CLCA1: variants seen among roughly 807,000 people sequenced by gnomAD.
CLCA1 encodes calcium-activated chloride channel regulator 1.
In CLCA1, 59 loss-of-function variants were observed where a neutral mutation model predicts 85.6. The observed-to-expected ratio is 0.69, with a 90% CI of 0.56 to 0.86. The LOEUF is 0.86. Among genes scored for constraint, CLCA1 ranks in the 40% least tolerant of loss-of-function variants. CLCA1 has a pLI of 0.00. For synonymous variants in CLCA1, 396 were observed against 398.3 expected, an observed-to-expected ratio of 0.99 and a Z score of 0.07; for missense variants, 1,022 against 1,101.4, an observed-to-expected ratio of 0.93 and a Z score of 1.02.
At chr1:86,497,345 T>C (rs921256529) in intron 12 of CLCA1, among the ~76,000 whole-genome samples, 5 of 152,204 alleles carry the variant, frequency 3.3e-5, no homozygotes, top group Admixed American at 6.5e-5. Context: ...ACCAGATTAA[T>C]GGGTATGAAG....
At chr1:86,491,660 A>G (rs1057346026) in intron 9 of CLCA1, among the ~76,000 whole-genome samples, 1 of 152,236 alleles carries the variant, frequency 6.6e-6, no homozygotes, top group Admixed American at 6.5e-5. Flanking sequence ...CTGAACAAGC[A>G]ACTAGAGCAA....
At chr1:86,484,209 C>T (rs1051965367) in intron 5 of CLCA1, among the ~76,000 whole-genome samples, 3 of 152,036 alleles carry the variant, frequency 2.0e-5, no homozygotes, top group African/African-American at 7.2e-5. Context: ...AAGTGCACTG[C>T]AATGTTAAAG....
rs1339102611 is a variant in CLCA1 at position 86,486,660 on chromosome 1, C to T, written c.1089C>T (p.Asn363=). The change falls in exon 7 of 14, where the codon AAC becomes AAT. Residue 363 remains asparagine (N), a synonymous_variant. Transcript: ENST00000394711. ...TACAAAATGAACTCATACAGATAAA[C>T]AGTGGCAGTGACAGGGACACACTCG... The part of the protein sequence containing the change: ...AHVQNELIQI[N]SGSDRDTLAK... The T allele has an allele frequency of 2.5e-6, 4 of 1,614,180 alleles. No individual in the cohort carries two copies. In the South Asian group the frequency reaches 4.4e-5, roughly 18 times the overall value.
intron 3 of CLCA1, among the ~76,000 whole-genome samples, chr1:86,474,716 T>C (rs1355986204): frequency 1.3e-5 from 2 of 152,134 alleles, no homozygotes; most frequent in Non-Finnish European, 2.9e-5. Flanking sequence ...CAAAAACATG[T>C]AACTAAAGAA....
chr1:86,490,899 T>TAAAAAAAAAAAA (rs59948810), intron 8 of CLCA1, among the ~76,000 whole-genome samples: 1 of 89,710 alleles, frequency 1.1e-5, no homozygotes, highest in Non-Finnish European at 2.3e-5. Context: ...AACCCATCTC[T>TAAAAAAAAAAAA]AAAAAAAAAA....
chr1:86,486,929 A>G lies in CLCA1; in HGVS notation c.1182+176A>G, dbSNP rs569872701. ...CCACATGAAACAGAATAGGAGGTTG[A>G]AAGGGGCTGGCAGGCATAAGGTCTC... On this transcript the variant is annotated intron_variant, in intron 7 of 13. Transcript: ENST00000394711. Among the ~76,000 whole-genome samples the G allele has an allele frequency of 1.7e-3, 260 of 152,314 alleles. 1 individual carries two copies. Among genetic ancestry groups the G allele is most frequent in the African/African-American group, 6.0e-3 (249 of 41,570 alleles).
chr1:86,475,452 C>T (rs5744330), intron 3 of CLCA1, among the ~76,000 whole-genome samples: 2,485 of 152,264 alleles, frequency 0.016, 73 homozygotes, highest in African/African-American at 0.056. Context: ...ACACTATGTG[C>T]CCAGATATGA....
intron 7 of CLCA1, among the ~76,000 whole-genome samples, chr1:86,487,907 G>A (rs1047597834): frequency 6.6e-6 from 1 of 152,228 alleles, no homozygotes; most frequent in African/African-American, 2.4e-5. Flanking sequence ...AGTGCGACAA[G>A]AAAATCCAAA....
Position 86,469,129 on chromosome 1 carries a change from T to C in CLCA1, c.158T>C (p.Ile53Thr), listed in dbSNP as rs772480629. The change falls in exon 1 of 14, where the codon ATA (isoleucine) becomes ACA (threonine). Residue 53 changes from isoleucine (I) to threonine (T), a missense_variant. Ile to Thr is a moderately conservative substitution (Grantham distance 89, BLOSUM62 -1). Coordinates refer to ENST00000394711, the MANE Select transcript of CLCA1 (RefSeq NM_001285.4). The part of the protein sequence containing the change: ...VPEDETLIQQ[I>T]KDMVTQASLY... Reference sequence around the variant, plus strand: ...GAAGATGAAACACTCATTCAACAAATAAAGGTAAGTTCATAGTAATTATCC... The same window carrying C: ...GAAGATGAAACACTCATTCAACAAACAAAGGTAAGTTCATAGTAATTATCC... The C allele has an allele frequency of 1.2e-6, 2 of 1,601,768 alleles. No homozygotes were observed. Among genetic ancestry groups the C allele is most frequent in the Non-Finnish European group, 8.5e-7 (1 of 1,172,604 alleles).
In CLCA1 at chr1:86,498,597, A is replaced by C. The variant is rs771725612; in HGVS notation, c.2139A>C (p.Arg713Ser). The C allele has an allele frequency of 8.7e-6, 14 of 1,613,610 alleles. No individual in the cohort carries two copies. Among genetic ancestry groups the C allele is most frequent in the Non-Finnish European group, 1.2e-5 (14 of 1,179,776 alleles). ...ENDEIQWNPP[R>S]PEINKDDVQH... Reference sequence around the variant, plus strand: ...ATGAAATACAATGGAATCCACCAAGACCTGAAATTAATAAGGATGATGTTC... The same window carrying C: ...ATGAAATACAATGGAATCCACCAAGCCCTGAAATTAATAAGGATGATGTTC... Residue 713 changes from arginine to serine, a missense_variant, in exon 13 of 14, where the codon AGA becomes AGC. Coordinates refer to ENST00000394711, the MANE Select transcript of CLCA1 (RefSeq NM_001285.4).
Position 86,490,899 on chromosome 1 carries a change from T to TAAA in CLCA1, c.1358-345_1358-343dup, listed in dbSNP as rs59948810. Reference sequence around the variant, plus strand: ...TGAGTAACATGGCAAAACCCATCTCTAAAAAAAAAAAAAAAAAAAAAAATA... The same window carrying TAAA: ...TGAGTAACATGGCAAAACCCATCTCTAAAAAAAAAAAAAAAAAAAAAAAAAATA... On this transcript the variant is annotated intron_variant, in intron 8 of 13. Coordinates refer to ENST00000394711, the MANE Select transcript of CLCA1 (RefSeq NM_001285.4). 1.3e-3 allele frequency among the ~76,000 whole-genome samples: 118 copies of TAAA among 89,680 alleles called. 1 individual carries two copies. The highest frequency in any genetic ancestry group is 1.5e-3 in the South Asian group (4 of 2,630). The allele number at this position is 89,680 out of a possible 152,430, so 58.8% of individuals were successfully genotyped here.
chr1:86,489,260 GGA>G, intron 8 of CLCA1, 90 bp downstream of exon 8: 1 of 1,267,248 alleles, frequency 7.9e-7, no homozygotes, highest in Non-Finnish European at 1.1e-6. Context: ...AAGATGGGAT[GGA>G]GAGAGATAGG....
rs770808069 is a variant in CLCA1, at chr1:86,491,329, C to A, written c.1422C>A (p.Ala474=). 52 of 1,613,346 alleles carry A rather than the reference C, an allele frequency of 3.2e-5. No individual in the cohort carries two copies. Among genetic ancestry groups the A allele is most frequent in the Non-Finnish European group, 4.3e-5 (51 of 1,179,648 alleles). ...ATGGCCTCATTGATGCTTTTGGGGC[C>A]CTTTCATCAGGAAATGGAGCTGTCT... ...QNNGLIDAFG[A]LSSGNGAVSQ... The change falls in exon 9 of 14, where the codon GCC becomes GCA. Residue 474 remains alanine, a synonymous_variant. Coordinates refer to ENST00000394711, the MANE Select transcript of CLCA1 (RefSeq NM_001285.4).
At position 86,499,864 on chromosome 1, in the gene CLCA1, A is replaced by C; in HGVS notation, c.2564A>C (p.Glu855Ala). The C allele has an allele frequency of 6.2e-7, 1 of 1,613,930 alleles. No individual in the cohort carries two copies. Among genetic ancestry groups the C allele is most frequent in the Non-Finnish European group, 8.5e-7 (1 of 1,179,790 alleles). ...QAVDKVDLKS[E>A]ISNIARVSLF... ...GTTGATAAGGTCGATCTGAAATCAG[A>C]AATATCCAACATTGCACGAGTATCT... The change falls in exon 14 of 14, where the codon GAA becomes GCA. Residue 855 changes from glutamate (E) to alanine (A), a missense_variant. Physicochemically the swap from Glu to Ala is moderately radical, Grantham distance 107 (BLOSUM62 -1). Transcript: ENST00000394711.
chr1:86,483,238 GC>G (rs1346292187), intron 5 of CLCA1, among the ~76,000 whole-genome samples: 2 of 152,096 alleles, frequency 1.3e-5, no homozygotes, highest in South Asian at 2.1e-4. Flanking sequence ...TTTTAAATTA[GC>G]CACAGAGTTA....
At position 86,486,673 on chromosome 1, in the gene CLCA1, A is replaced by G. The variant is rs1647985968; in HGVS notation, c.1102A>G (p.Arg368Gly). The G allele has an allele frequency of 1.2e-6, 2 of 1,614,158 alleles. No individual in the cohort carries two copies. Among genetic ancestry groups the G allele is most frequent in the East Asian group, 4.5e-5 (2 of 44,884 alleles). The stretch of plus-strand genomic sequence containing the variant: ...CATACAGATAAACAGTGGCAGTGAC[A>G]GGGACACACTCGCCAAAAGATTACC... ...ELIQINSGSD[R>G]DTLAKRLPAA... The change falls in exon 7 of 14, where the codon AGG becomes GGG. Residue 368 changes from arginine to glycine, a missense_variant. Arg to Gly is a moderately radical substitution (Grantham distance 125). Transcript: ENST00000394711.
At position 86,489,137 on chromosome 1, in the gene CLCA1, G is replaced by C. The variant is rs752724305; in HGVS notation, c.1324G>C (p.Ala442Pro). The change falls in exon 8 of 14, where the codon GCT becomes CCT. Residue 442 changes from alanine (A) to proline (P), a missense_variant. Transcript: ENST00000394711. ...IHTVALGPSA[A>P]QELEELSKMT... is the part of the protein sequence containing the mutation. ...CACAGTCGCTTTGGGGCCCTCTGCA[G>C]CTCAAGAACTAGAGGAGCTGTCCAA... 1 of 1,614,050 alleles carries C rather than the reference G, an allele frequency of 6.2e-7. No homozygotes were observed. The highest frequency in any genetic ancestry group is 2.2e-5 in the East Asian group (1 of 44,870).
intron 6 of CLCA1, 37 bp from the exon 7 acceptor site, chr1:86,486,489 T>G (rs751982726): frequency 1.3e-6 from 2 of 1,593,026 alleles, no homozygotes; most frequent in East Asian, 2.2e-5. Flanking sequence ...TCTTTCCATC[T>G]AAACGTAACC....
chr1:86,488,081 C>T (rs1046237695), intron 7 of CLCA1, among the ~76,000 whole-genome samples: 6 of 152,154 alleles, frequency 3.9e-5, no homozygotes, highest in Admixed American at 6.5e-5. Flanking sequence ...GTGAGTGAGG[C>T]GGAAACCTCC....
Sources: allele counts gnomAD v4.1 joint callset (sites outside exome capture counted in the v4.1 genomes callset), GRCh38; gene constraint gnomAD v4.1.1; transcripts MANE v1.5; gene names NCBI Gene and HGNC (gene_info 2026-07-23, HGNC 2026-07-21).